The following FAT3 variants were observed in gnomAD, a reference collection of about 807,000 sequenced individuals.
FAT3 encodes protocadherin Fat 3.
Under a neutral mutation model 310.2 loss-of-function variants are expected in FAT3, and 95 were observed. The ratio of observed to expected loss-of-function variants is 0.31; its 90% CI spans 0.26 to 0.36. The LOEUF (loss-of-function observed/expected upper bound fraction) is 0.36, where lower values mean the gene tolerates loss of function less well. Among genes scored for constraint, FAT3 ranks in the 10% least tolerant of loss-of-function variants. FAT3 has a pLI of 1.00. For missense variants in FAT3, 5,408 were observed against 5,715.6 expected (o/e 0.95, Z 1.74); for synonymous variants, 2,314 against 2,192.9 (o/e 1.06, Z -1.54).
chr11:92,696,479 A>G (rs1053194789), intron 3 of FAT3, among the ~76,000 whole-genome samples: 7 of 152,008 alleles, frequency 4.6e-5, no homozygotes, highest in Admixed American at 3.9e-4. Flanking sequence ...TCCACATTGC[A>G]CCTACCTCAC....
intron 4 of FAT3, among the ~76,000 whole-genome samples, chr11:92,719,463 A>G (rs1565538531): frequency 6.7e-6 from 1 of 148,354 alleles, no homozygotes; most frequent in Non-Finnish European, 1.5e-5. Context: ...CTTACATAAA[A>G]TGATGTAGTA....
rs184317947 is a variant in FAT3 at position 92,669,643 on chromosome 11, A to G, written c.3608-27741A>G. 6.2e-4 allele frequency among the ~76,000 whole-genome samples: 94 copies of G among 152,266 alleles called. 1 individual carries two copies. The highest frequency in any genetic ancestry group is 3.1e-3 in the Admixed American group (48 of 15,292). ...CAGTTTTTGCATTCTGGGTTAGGGT[A>G]AGAGGGGTTGGCCAGTATATCCAGA... On this transcript the variant is annotated intron_variant, in intron 3 of 27. Transcript: ENST00000525166.
intron 2 of FAT3, among the ~76,000 whole-genome samples, chr11:92,519,204 T>G (rs1953599921): frequency 6.6e-6 from 1 of 152,116 alleles, no homozygotes; most frequent in Admixed American, 6.6e-5. Context: ...GTCAAACAGA[T>G]TAATGGGACA....
chr11:92,871,006 G>A (rs896105724), intron 22 of FAT3, among the ~76,000 whole-genome samples: 1 of 152,178 alleles, frequency 6.6e-6, no homozygotes, highest in African/African-American at 2.4e-5. Context: ...CACATAGCTA[G>A]TAAAGTGGTG....
chr11:92,367,505 T>C (rs189515515), intron 2 of FAT3, among the ~76,000 whole-genome samples: 2 of 152,210 alleles, frequency 1.3e-5, no homozygotes, highest in East Asian at 3.9e-4. Context: ...TCACCTGCAG[T>C]CCCAGCTAGT....
At chr11:92,796,973 C>T (rs902252180) in intron 9 of FAT3, among the ~76,000 whole-genome samples, 1 of 152,176 alleles carries the variant, frequency 6.6e-6, no homozygotes, top group Non-Finnish European at 1.5e-5. Flanking sequence ...AGGATTATGT[C>T]TCAGGTTCTT....
At chr11:92,463,409 G>A (rs577685060) in intron 2 of FAT3, among the ~76,000 whole-genome samples, 4 of 152,220 alleles carry the variant, frequency 2.6e-5, no homozygotes, top group African/African-American at 4.8e-5. Context: ...AGCTGACAGC[G>A]TCTGTAACCC....
intron 26 of FAT3, among the ~76,000 whole-genome samples, 199 bp downstream of exon 26, chr11:92,889,447 G>C (rs57569860): frequency 6.6e-6 from 1 of 150,946 alleles, no homozygotes; most frequent in Non-Finnish European, 1.5e-5. Flanking sequence ...AATATATAAG[G>C]TACCCTCTTT....
chr11:92,792,858 A>C lies in FAT3; in HGVS notation c.4703A>C (p.Asn1568Thr). 6.2e-7 allele frequency: 1 copy of C among 1,613,716 alleles called. No individual in the cohort carries two copies. Among genetic ancestry groups the C allele is most frequent in the Non-Finnish European group, 8.5e-7 (1 of 1,179,768 alleles). The change falls in exon 9 of 28, where the codon AAC (asparagine) becomes ACC (threonine). Residue 1568 changes from asparagine (N) to threonine (T), a missense_variant. Asn to Thr is a moderately conservative substitution (Grantham distance 65). Around this residue, in one of 5 missense-constraint regions of FAT3, gnomAD observed 4,588 missense variants for 4,809.8 expected, o/e 0.95. Coordinates refer to ENST00000525166, the MANE Select transcript of FAT3 (RefSeq NM_001367949.2). ...AATGATCACAGTCCTTATTTTACCA[A>C]CCCACTGTATGAAGCGTCTGTGTTT... ...DANDHSPYFT[N>T]PLYEASVFES...
intron 8 of FAT3, among the ~76,000 whole-genome samples, chr11:92,790,920 A>G (rs3847530): frequency 0.44 from 66,395 of 152,048 alleles, 15,692 homozygotes; most frequent in South Asian, 0.64. Context: ...TTGCACAGCC[A>G]CTTCCTGTCA....
chr11:92,456,607 T>A (rs1161612377), intron 2 of FAT3, among the ~76,000 whole-genome samples: 5 of 152,140 alleles, frequency 3.3e-5, no homozygotes, highest in African/African-American at 1.2e-4. Flanking sequence ...TTCTCAGAGA[T>A]AACAATTGCT....
intron 2 of FAT3, among the ~76,000 whole-genome samples, chr11:92,399,988 G>C (rs1949973282): frequency 6.6e-6 from 1 of 152,126 alleles, no homozygotes; most frequent in African/African-American, 2.4e-5. Context: ...TGTTGGTGTG[G>C]GCTTGGGATG....
intron 2 of FAT3, among the ~76,000 whole-genome samples, chr11:92,394,600 A>G (rs893140644): frequency 6.6e-6 from 1 of 152,124 alleles, no homozygotes; most frequent in Non-Finnish European, 1.5e-5. Flanking sequence ...GATTTGGGCA[A>G]ATTCCTTGAT....
intron 2 of FAT3, among the ~76,000 whole-genome samples, chr11:92,500,490 A>G (rs1463854672): frequency 1.3e-5 from 2 of 151,994 alleles, no homozygotes; most frequent in Non-Finnish European, 2.9e-5. Flanking sequence ...ATATGATGAA[A>G]TGTTTCAAAA....
intron 1 of FAT3, among the ~76,000 whole-genome samples, chr11:92,306,000 G>C (rs866788369): frequency 1.3e-5 from 2 of 152,106 alleles, no homozygotes; most frequent in African/African-American, 4.8e-5. Flanking sequence ...ATCTGGAAAA[G>C]CTGAGTAAAG....
intron 2 of FAT3, among the ~76,000 whole-genome samples, chr11:92,416,028 A>T (rs1188043848): frequency 1.4e-5 from 2 of 142,752 alleles, no homozygotes; most frequent in Non-Finnish European, 3.0e-5. Context: ...GTTCCACGTG[A>T]TTCAGAGCCA....
chr11:92,507,991 A>C (rs1953172871), intron 2 of FAT3, among the ~76,000 whole-genome samples: 3 of 152,156 alleles, frequency 2.0e-5, no homozygotes, highest in African/African-American at 4.8e-5. Context: ...TAAAAGGATG[A>C]AAGAAAATAG....
intron 3 of FAT3, among the ~76,000 whole-genome samples, chr11:92,645,186 G>A (rs1388305525): frequency 6.6e-6 from 1 of 152,206 alleles, no homozygotes; most frequent in Non-Finnish European, 1.5e-5. Flanking sequence ...AGATTTATTT[G>A]AAAAGGGGAT....
intron 19 of FAT3, among the ~76,000 whole-genome samples, chr11:92,848,246 G>A (rs1274933574): frequency 6.6e-6 from 1 of 152,190 alleles, no homozygotes; most frequent in Non-Finnish European, 1.5e-5. Flanking sequence ...AATGAAAGCA[G>A]ACTTGAATTT....
Sources: allele counts gnomAD v4.1 joint callset (sites outside exome capture counted in the v4.1 genomes callset), GRCh38; gene constraint gnomAD v4.1.1; regional missense constraint gnomAD v4.1.1; transcripts MANE v1.5; gene names NCBI Gene and HGNC (gene_info 2026-07-23, HGNC 2026-07-21).